Variants in CSMD1 observed in about 807,000 individuals in gnomAD.
The protein encoded by CSMD1 is CUB and Sushi multiple domains 1.
A neutral mutation model predicts 417.5 loss-of-function variants in CSMD1; 213 were observed. The ratio of observed to expected loss-of-function variants is 0.51; its 90% CI spans 0.46 to 0.57. The LOEUF (loss-of-function observed/expected upper bound fraction) is 0.57. Ranked by LOEUF, CSMD1 falls within the 20% of genes least tolerant of loss-of-function variation. CSMD1 has a pLI of 0.00. For synonymous variants in CSMD1, 2,862 were observed against 1,736.8 expected (o/e 1.65, Z -16.11); for missense variants, 6,923 against 4,529.7 (o/e 1.53, Z -15.17).
At chr8:4,642,467 T>C (rs1405190042) in intron 1 of CSMD1, among the ~76,000 whole-genome samples, 3 of 152,188 alleles carry the variant, frequency 2.0e-5, no homozygotes, top group Non-Finnish European at 4.4e-5. Flanking sequence ...ATACTTTTCC[T>C]AGAAAGTAGC....
intron 5 of CSMD1, among the ~76,000 whole-genome samples, chr8:3,974,126 G>A (rs1236075307): frequency 1.3e-5 from 2 of 152,024 alleles, no homozygotes; most frequent in African/African-American, 4.8e-5. Context: ...CACATAATAG[G>A]TAGTTTTGTG....
At chr8:4,477,855 CAT>C (rs1194306672) in intron 2 of CSMD1, among the ~76,000 whole-genome samples, 16 of 152,200 alleles carry the variant, frequency 1.1e-4, no homozygotes, top group African/African-American at 3.9e-4. Flanking sequence ...TTTAACTGGA[CAT>C]AAATTCTGAA....
intron 1 of CSMD1, among the ~76,000 whole-genome samples, chr8:4,945,371 C>A (rs139554147): frequency 6.6e-6 from 1 of 151,902 alleles, no homozygotes; most frequent in Non-Finnish European, 1.5e-5. Context: ...TTCTGAACTG[C>A]CTGCCGAAAA....
intron 2 of CSMD1, among the ~76,000 whole-genome samples, chr8:4,591,550 G>A (rs947386175): frequency 6.6e-6 from 1 of 152,164 alleles, no homozygotes; most frequent in African/African-American, 2.4e-5. Context: ...GACACAGAGA[G>A]GACTGTAGTG....
chr8:3,349,511 G>A (rs1424402296), intron 21 of CSMD1, among the ~76,000 whole-genome samples: 1 of 151,902 alleles, frequency 6.6e-6, no homozygotes, highest in African/African-American at 2.4e-5. Context: ...AATAAAGACA[G>A]AAAAGCAGGC....
intron 2 of CSMD1, among the ~76,000 whole-genome samples, chr8:4,509,407 G>C (rs1196222002): frequency 6.6e-6 from 1 of 152,140 alleles, no homozygotes; most frequent in African/African-American, 2.4e-5. Context: ...AGGGGAATCA[G>C]ATGTATTGAA....
chr8:3,824,212 G>A (rs560361826), intron 5 of CSMD1, among the ~76,000 whole-genome samples: 137 of 151,478 alleles, frequency 9.0e-4, no homozygotes, highest in Non-Finnish European at 1.7e-3. Context: ...TGACAGAGTT[G>A]TTGATTTATC....
At chr8:3,298,515 A>G (rs1804138856) in intron 25 of CSMD1, among the ~76,000 whole-genome samples, 1 of 152,176 alleles carries the variant, frequency 6.6e-6, no homozygotes, top group Admixed American at 6.5e-5. Flanking sequence ...GTGCAATGGA[A>G]TGATCGTGGC....
chr8:3,678,652 G>A lies in CSMD1; in HGVS notation c.1009+29762C>T, dbSNP rs147032399. Among the ~76,000 whole-genome samples the A allele has an allele frequency of 3.3e-5, 5 of 152,168 alleles. No individual in the cohort carries two copies. In the East Asian group the frequency reaches 7.7e-4, roughly 24 times the overall value. ...AGGAAAACTTCCCCAACCTAGCAAG[G>A]CAGGCCAACATGCAAATTCAGGAAA... On this transcript the variant is annotated intron_variant, in intron 7 of 69. Coordinates refer to ENST00000635120, the MANE Select transcript of CSMD1 (RefSeq NM_033225.6).
intron 19 of CSMD1, among the ~76,000 whole-genome samples, chr8:3,368,702 T>A (rs13260434): frequency 0.24 from 36,081 of 152,090 alleles, 4,391 homozygotes; most frequent in African/African-American, 0.3. Flanking sequence ...ACAATCCTAA[T>A]CCCAGTGTTT....
intron 18 of CSMD1, among the ~76,000 whole-genome samples, chr8:3,385,766 A>G (rs149136076): frequency 1.1e-4 from 16 of 152,280 alleles, no homozygotes; most frequent in African/African-American, 2.9e-4. Flanking sequence ...ATGTCTTTCC[A>G]GAAAAACTTA....
rs145084586 is a variant in CSMD1, at chr8:4,718,422, C to A, written c.86-80864G>T. 1.8e-3 allele frequency among the ~76,000 whole-genome samples: 273 copies of A among 152,154 alleles called. 9 individuals carry two copies. The South Asian group carries it at 0.048, about 27-fold the overall frequency. ...AACACATCTAGTTCACCACTAAAACCAGGCTGATTCTTAAGCAGGAATGAA... is the reference window on the plus strand; with the variant it reads ...AACACATCTAGTTCACCACTAAAACAAGGCTGATTCTTAAGCAGGAATGAA... On this transcript the variant is annotated intron_variant, in intron 1 of 69. Transcript: ENST00000635120.
intron 2 of CSMD1, among the ~76,000 whole-genome samples, chr8:4,500,314 A>T (rs559295569): frequency 3.2e-4 from 49 of 152,308 alleles, no homozygotes; most frequent in South Asian, 1.2e-3. Context: ...GTTACCAGGG[A>T]TATTCTGTAA....
intron 54 of CSMD1, among the ~76,000 whole-genome samples, chr8:2,989,101 A>T (rs758040958): frequency 5.1e-4 from 77 of 152,238 alleles, no homozygotes; most frequent in Non-Finnish European, 1.5e-4. Context: ...AACAGCCTAC[A>T]ACTCTTGTGA....
chr8:4,425,461 C>T (rs1388244617), intron 2 of CSMD1, among the ~76,000 whole-genome samples: 1 of 151,494 alleles, frequency 6.6e-6, no homozygotes, highest in Admixed American at 6.6e-5. Flanking sequence ...TCATAAAGAG[C>T]TTTCAAGAGC....
intron 8 of CSMD1, among the ~76,000 whole-genome samples, chr8:3,590,258 T>C (rs950779748): frequency 1.3e-5 from 2 of 152,224 alleles, no homozygotes; most frequent in South Asian, 2.1e-4. Flanking sequence ...ACAATACAAA[T>C]TTTTGTTTAT....
At chr8:3,882,252 T>G (rs1806256056) in intron 5 of CSMD1, among the ~76,000 whole-genome samples, 1 of 151,996 alleles carries the variant, frequency 6.6e-6, no homozygotes, top group Admixed American at 6.6e-5. Context: ...GAACTGACAC[T>G]TATTAGAAAA....
intron 5 of CSMD1, among the ~76,000 whole-genome samples, chr8:3,943,289 C>G (rs1040860565): frequency 4.6e-5 from 7 of 151,406 alleles, no homozygotes; most frequent in African/African-American, 1.7e-4. Context: ...ATGCAAAGCA[C>G]TTTATCACCC....
chr8:3,032,749 C>G (rs1418684155), intron 50 of CSMD1, among the ~76,000 whole-genome samples: 1 of 152,040 alleles, frequency 6.6e-6, no homozygotes, highest in African/African-American at 2.4e-5. Context: ...CCTATGTTTT[C>G]TCCTCTTCTG....
Sources: gnomAD v4.1 joint callset for allele counts (sites outside exome capture counted in the v4.1 genomes callset) on GRCh38, gnomAD v4.1.1 for gene constraint, MANE v1.5 for transcripts, NCBI Gene and HGNC (gene_info 2026-07-23, HGNC 2026-07-21) for gene names.